The following SDHB variants were observed in gnomAD, a reference collection of about 807,000 sequenced individuals.
SDHB encodes the protein succinate dehydrogenase complex iron sulfur subunit B.
SDHB carries 21 observed loss-of-function variants against 39.7 expected under a neutral mutation model. That is an observed-to-expected ratio of 0.53 (90% confidence interval 0.37 to 0.76). The LOEUF is 0.76. Among genes scored for constraint, SDHB ranks in the 30% least tolerant of loss-of-function variants. The probability of loss-of-function intolerance (pLI) is 0.00; values close to 1 mark genes in which losing one functional copy is unlikely to be tolerated. For synonymous variants in SDHB, 118 were observed against 117.0 expected (o/e 1.01, Z -0.06); for missense variants, 343 against 350.9 (o/e 0.98, Z 0.18).
intron 2 of SDHB, among the ~76,000 whole-genome samples, chr1:17,044,560 A>G (rs1242418773): frequency 1.3e-5 from 2 of 152,200 alleles, no homozygotes; most frequent in East Asian, 1.9e-4. Context: ...TCCCAACCTC[A>G]GATGATCTGC....
intron 1 of SDHB, among the ~76,000 whole-genome samples, chr1:17,049,102 C>T (rs746084339): frequency 3.3e-5 from 5 of 151,854 alleles, no homozygotes; most frequent in African/African-American, 4.8e-5. Context: ...TGGGCTCAGG[C>T]GATCATCCTG....
intron 7 of SDHB, among the ~76,000 whole-genome samples, chr1:17,021,796 T>C (rs1418773499): frequency 6.6e-6 from 1 of 152,092 alleles, no homozygotes; most frequent in Non-Finnish European, 1.5e-5. Flanking sequence ...CTTGCCCTTC[T>C]GCCTTTTGCC....
At chr1:17,050,655 CAA>C (rs34806121) in intron 1 of SDHB, among the ~76,000 whole-genome samples, 10 of 134,892 alleles carry the variant, frequency 7.4e-5, no homozygotes, top group Non-Finnish European at 7.8e-5. Flanking sequence ...GACTCTGTCT[CAA>C]AAAAAAAAAA....
chr1:17,034,519 T>A (rs1005713200), intron 2 of SDHB, among the ~76,000 whole-genome samples: 3 of 151,470 alleles, frequency 2.0e-5, no homozygotes, highest in African/African-American at 7.3e-5. Context: ...TAGCTGGGAT[T>A]ACAGGTGCAT....
At chr1:17,042,726 C>T (rs994142240) in intron 2 of SDHB, among the ~76,000 whole-genome samples, 1 of 151,760 alleles carries the variant, frequency 6.6e-6, no homozygotes, top group Non-Finnish European at 1.5e-5. Flanking sequence ...TACAGTGAAC[C>T]GTGAGCATGC....
intron 1 of SDHB, among the ~76,000 whole-genome samples, chr1:17,046,445 C>T (rs2078110629): frequency 1.3e-5 from 2 of 151,880 alleles, no homozygotes; most frequent in South Asian, 4.1e-4. Flanking sequence ...TGAGTTTTGA[C>T]AAAGCAATGT....
At position 17,047,697 on chromosome 1, in the gene SDHB, A is replaced by AG. The variant is rs71006414; in HGVS notation, c.73-2810dup. On this transcript the variant is annotated intron_variant, in intron 1 of 7. Transcript: ENST00000375499. ...AACTCAAGCTAAAAAAAAAAAAAAA[A>AG]GAGAGAGAGTTTTGCTCTGTCACTG... Among the ~76,000 whole-genome samples the AG allele has an allele frequency of 2.2e-5, 3 of 134,414 alleles. No individual in the cohort carries two copies. The Admixed American group carries it at 2.2e-4, about 10-fold the overall frequency. The allele number at this position is 134,414 out of a possible 152,430, so 88.2% of individuals were successfully genotyped here. A position where few individuals can be genotyped will look rare whatever the true frequency, so the allele number is the denominator to read the frequency against.
At chr1:17,023,038 T>C (rs2077970956) in intron 6 of SDHB, 1 of 378,950 alleles carries the variant, frequency 2.6e-6, no homozygotes. Flanking sequence ...CAGCTTATAA[T>C]TTGGTGAAGG....
chr1:17,028,451 T>C (rs1438161074), intron 4 of SDHB, 149 bp downstream of exon 4: 1 of 805,384 alleles, frequency 1.2e-6, no homozygotes, highest in South Asian at 1.5e-5. Context: ...TGCCATAATA[T>C]AGGAAACAGT....
chr1:17,044,473 A>G (rs1366712554), intron 2 of SDHB, among the ~76,000 whole-genome samples: 3 of 152,044 alleles, frequency 2.0e-5, no homozygotes, highest in Admixed American at 6.6e-5. Context: ...TACAGGCATG[A>G]GCCACTATAC....
Position 17,027,348 on chromosome 1 carries a change from C to T in SDHB, c.540+401G>A, listed in dbSNP as rs983861505. 8.3e-4 allele frequency among the ~76,000 whole-genome samples: 127 copies of T among 152,238 alleles called. 1 individual carries two copies. The highest frequency in any genetic ancestry group is 3.0e-3 in the African/African-American group (124 of 41,462). On this transcript the variant is annotated intron_variant, in intron 5 of 7. Transcript: ENST00000375499. ...TGACTCTGTTTTGCCATTAACATTTCACTCCCATTTGTAAAGCAGGACGGT... is the reference window on the plus strand; with the variant it reads ...TGACTCTGTTTTGCCATTAACATTTTACTCCCATTTGTAAAGCAGGACGGT...
At chr1:17,030,442 A>C (rs1368492137) in intron 3 of SDHB, among the ~76,000 whole-genome samples, 1 of 152,192 alleles carries the variant, frequency 6.6e-6, no homozygotes, top group Non-Finnish European at 1.5e-5. Context: ...GAGGAGAAGA[A>C]TGAACTAATA....
rs770622939 is a variant in SDHB at position 17,023,978 on chromosome 1, T to C, written c.637A>G (p.Met213Val). 1.2e-6 allele frequency: 2 copies of C among 1,609,706 alleles called. No individual in the cohort carries two copies. Among genetic ancestry groups the C allele is most frequent in the African/African-American group, 1.3e-5 (1 of 74,954 alleles). The change falls in exon 6 of 8, where the codon ATG becomes GTG. Residue 213 changes from methionine to valine, a missense_variant. Met to Val is a conservative substitution (Grantham distance 21). Transcript: ENST00000375499. ...GCAATTAAGGAGCACCTCACCTGCA[T>C]AAGAACTGCAGGCCCCAGATATTTG... ...GDKYLGPAVL[M>V]QAYRWMIDSR...
At chr1:17,049,953 C>T (rs1261545565) in intron 1 of SDHB, among the ~76,000 whole-genome samples, 4 of 151,974 alleles carry the variant, frequency 2.6e-5, no homozygotes, top group Non-Finnish European at 4.4e-5. Context: ...AGGCATAACC[C>T]CCTAGTTCTA....
intron 1 of SDHB, among the ~76,000 whole-genome samples, chr1:17,048,074 G>T (rs182431421): frequency 6.6e-6 from 1 of 152,046 alleles, no homozygotes; most frequent in Admixed American, 6.6e-5. Context: ...TCAAGATAGG[G>T]GACATTCCCA....
intron 7 of SDHB, among the ~76,000 whole-genome samples, chr1:17,021,886 A>G (rs2077963884): frequency 6.6e-6 from 1 of 152,240 alleles, no homozygotes; most frequent in Non-Finnish European, 1.5e-5. Flanking sequence ...ACTTCTTTAT[A>G]AAATTACCCA....
At position 17,027,760 on chromosome 1, in the gene SDHB, G is replaced by C; in HGVS notation, c.529C>G (p.Arg177Gly). The change falls in exon 5 of 8, where the codon CGT becomes GGT. Residue 177 changes from arginine (R) to glycine (G), a missense_variant. Transcript: ENST00000375499. ...KQQYLQSIEEREKLDGLYECI... is the reference protein window; with the variant it reads ...KQQYLQSIEEGEKLDGLYECI... The stretch of plus-strand genomic sequence containing the variant: ...TAGGGACTAATGACCAGTTTCTCAC[G>C]CTCTTCTATGGACTGCAGATACTGC... The C allele has an allele frequency of 6.3e-7, 1 of 1,584,358 alleles. No individual in the cohort carries two copies. The highest frequency in any genetic ancestry group is 8.7e-7 in the Non-Finnish European group (1 of 1,153,038).
At position 17,033,125 on chromosome 1, in the gene SDHB, T is replaced by G. The variant is rs876658713; in HGVS notation, c.221A>C (p.Asp74Ala). 2.5e-6 allele frequency: 4 copies of G among 1,613,338 alleles called. No individual in the cohort carries two copies. In the Admixed American group the frequency reaches 6.7e-5, roughly 27 times the overall value. The change falls in exon 3 of 8, where the codon GAT becomes GCT. Residue 74 changes from aspartate (D) to alanine (A), a missense_variant. Coordinates refer to ENST00000375499, the MANE Select transcript of SDHB (RefSeq NM_003000.3). ...TTCATTCTTAATCTTGATTAAAGCA[T>G]CCAATACCATGGGGCCACATCTAAC... ...DLNKCGPMVL[D>A]ALIKIKNEVD... is the part of the protein sequence containing the mutation.
chr1:17,029,342 T>TGAACTGCTGGGCTC (rs1380122609), intron 3 of SDHB, among the ~76,000 whole-genome samples: 1 of 151,848 alleles, frequency 6.6e-6, no homozygotes, highest in Non-Finnish European at 1.5e-5. Flanking sequence ...AGGCTGGGCT[T>TGAACTGCTGGGCTC]GAACTGCTGG....
Sources: allele counts gnomAD v4.1 joint callset (sites outside exome capture counted in the v4.1 genomes callset), GRCh38; gene constraint gnomAD v4.1.1; transcripts MANE v1.5; gene names NCBI Gene and HGNC (gene_info 2026-07-23, HGNC 2026-07-21).